MTR: variants seen among roughly 807,000 people sequenced by gnomAD.
The protein encoded by MTR is methionine synthase.
Under a neutral mutation model 154.8 loss-of-function variants are expected in MTR, and 84 were observed. The ratio of observed to expected loss-of-function variants is 0.54; its 90% CI spans 0.45 to 0.65. The LOEUF (loss-of-function observed/expected upper bound fraction) is 0.65, where lower values mean the gene tolerates loss of function less well. MTR is among the 30% of genes least tolerant of loss of function. The pLI, the probability that MTR is intolerant of heterozygous loss-of-function variation, is 0.00. For missense variants in MTR, 1,275 were observed against 1,570.2 expected (o/e 0.81, Z 3.18); for synonymous variants, 554 against 553.9 (o/e 1.00, Z 0.00).
At chr1:236,862,392 A>G (rs1172442670) in intron 21 of MTR, 49 bp downstream of exon 21, 1 of 1,489,178 alleles carries the variant, frequency 6.7e-7, no homozygotes, top group African/African-American at 1.4e-5. Context: ...TTGACCTGGA[A>G]GACTTGAGGT....
At position 236,897,029 on chromosome 1, in the gene MTR, G is replaced by A. The variant is rs1357538863; in HGVS notation, c.3622G>A (p.Ala1208Thr). 1 of 1,614,006 alleles carries A rather than the reference G, an allele frequency of 6.2e-7. No individual in the cohort carries two copies. Residue 1208 changes from alanine to threonine, a missense_variant, in exon 32 of 33, where the codon GCA becomes ACA. Transcript: ENST00000366577. ...STGIRLTESL[A>T]MAPASAVSGL... Reference sequence around the variant, plus strand: ...AGGCATTAGGTTAACAGAATCATTAGCAATGGCACCTGCTTCAGCAGTCTC... The same window carrying A: ...AGGCATTAGGTTAACAGAATCATTAACAATGGCACCTGCTTCAGCAGTCTC...
chr1:236,880,762 A>C lies in MTR; in HGVS notation c.2602A>C (p.Thr868Pro). The C allele has an allele frequency of 6.2e-7, 1 of 1,614,060 alleles. No homozygotes were observed. The highest frequency in any genetic ancestry group is 8.5e-7 in the Non-Finnish European group (1 of 1,179,954). Reference protein sequence around the residue: ...IGGATTSKTHTAVKIAPRYSA... With the variant: ...IGGATTSKTHPAVKIAPRYSA... Reference sequence around the variant, plus strand: ...TCTGACCCTTCTTTTTAGAACCCACACAGCAGTTAAAATAGCTCCGAGATA... The same window carrying C: ...TCTGACCCTTCTTTTTAGAACCCACCCAGCAGTTAAAATAGCTCCGAGATA... The change falls in exon 25 of 33, where the codon ACA becomes CCA. Residue 868 changes from threonine to proline, a missense_variant. Physicochemically the swap from Thr to Pro is conservative, Grantham distance 38. Coordinates refer to ENST00000366577, the MANE Select transcript of MTR (RefSeq NM_000254.3).
intron 20 of MTR, among the ~76,000 whole-genome samples, 195 bp from the exon 21 acceptor site, chr1:236,862,041 C>A (rs1314865447): frequency 6.6e-6 from 1 of 152,234 alleles, no homozygotes; most frequent in African/African-American, 2.4e-5. Context: ...TGTTTTCCTT[C>A]TGCTGTACCT....
intron 18 of MTR, 58 bp downstream of exon 18, chr1:236,853,146 C>CTGTAGGTGAGTA: frequency 6.4e-7 from 1 of 1,561,802 alleles, no homozygotes; most frequent in Non-Finnish European, 8.8e-7. Flanking sequence ...GTATTACTCA[C>CTGTAGGTGAGTA]CTACAGTTAG....
In MTR at chr1:236,810,669, A is replaced by C. The variant is rs1661245533; in HGVS notation, c.502+74A>C. ...AGCTTCAGTAAGCTATAAATCTGTA[A>C]AATGGAATCAATAACAGGATCTACC... is the stretch of plus-strand genomic sequence containing the variant. On this transcript the variant is annotated intron_variant, in intron 5 of 32. Coordinates refer to ENST00000366577, the MANE Select transcript of MTR (RefSeq NM_000254.3). 4 of 1,240,598 alleles carry C rather than the reference A, an allele frequency of 3.2e-6. No individual in the cohort carries two copies. The Admixed American group carries it at 5.1e-5, about 16-fold the overall frequency. The allele number at this position is 1,240,598 out of a possible 1,614,324, so 76.8% of individuals were successfully genotyped here.
At position 236,861,169 on chromosome 1, in the gene MTR, A is replaced by C. The variant is rs1212588170; in HGVS notation, c.2088A>C (p.Leu696Phe). The C allele has an allele frequency of 6.2e-7, 1 of 1,603,278 alleles. No individual in the cohort carries two copies. The highest frequency in any genetic ancestry group is 1.1e-5 in the South Asian group (1 of 90,476). ...HIIEDTEEAR[L>F]NQKKYPRPLN... ...TTGAGGATACTGAGGAAGCCAGGTTAAACCAAAAAAAATATCCCCGACCTC... is the reference window on the plus strand; with the variant it reads ...TTGAGGATACTGAGGAAGCCAGGTTCAACCAAAAAAAATATCCCCGACCTC... Residue 696 changes from leucine to phenylalanine, a missense_variant, in exon 20 of 33, where the codon TTA becomes TTC. Leu to Phe is a conservative substitution (Grantham distance 22). Transcript: ENST00000366577.
intron 15 of MTR, among the ~76,000 whole-genome samples, chr1:236,839,961 TTGTC>T (rs1254488665): frequency 6.6e-5 from 10 of 152,282 alleles, no homozygotes; most frequent in Admixed American, 4.6e-4. Context: ...TTACATATGT[TTGTC>T]TGCATAAGCA....
intron 32 of MTR, 71 bp downstream of exon 32, chr1:236,897,189 A>G (rs1239900259): frequency 2.6e-6 from 3 of 1,162,240 alleles, no homozygotes; most frequent in South Asian, 2.4e-5. Context: ...CTCATTTTAA[A>G]TGTGAATGAG....
intron 8 of MTR, among the ~76,000 whole-genome samples, chr1:236,823,665 C>T (rs1662106125): frequency 6.6e-6 from 1 of 152,066 alleles, no homozygotes; most frequent in African/African-American, 2.4e-5. Flanking sequence ...AGGGACTCTG[C>T]CTGTGGGGTA....
At chr1:236,859,797 A>G (rs1664413301) in intron 18 of MTR, 36 bp from the exon 19 acceptor site, 3 of 1,506,398 alleles carry the variant, frequency 2.0e-6, no homozygotes, top group Middle Eastern at 3.4e-4. Flanking sequence ...GTTAGTGATG[A>G]GTTGTATCCA....
At chr1:236,806,857 T>C (rs1273869204) in intron 3 of MTR, among the ~76,000 whole-genome samples, 1 of 152,216 alleles carries the variant, frequency 6.6e-6, no homozygotes, top group Non-Finnish European at 1.5e-5. Flanking sequence ...CTTTTGTGAC[T>C]AGTTTGTTTC....
At chr1:236,823,794 A>ATT (rs1324332853) in intron 8 of MTR, among the ~76,000 whole-genome samples, 2 of 23,378 alleles carry the variant, frequency 8.6e-5, no homozygotes, top group Admixed American at 5.0e-4. Context: ...TTCAGGTCAG[A>ATT]TCTTTTTTTT....
chr1:236,829,274 T>G lies in MTR; in HGVS notation c.1075+6T>G, dbSNP rs567527137. 6.2e-7 allele frequency: 1 copy of G among 1,609,962 alleles called. No individual in the cohort carries two copies. ...AGGACATATGTTACTGTCTGGTGAG[T>G]CATAAAGACCTGGTATTCCTGATTG... On this transcript the variant is annotated splice_donor_region_variant and intron_variant, in intron 12 of 32. Coordinates refer to ENST00000366577, the MANE Select transcript of MTR (RefSeq NM_000254.3).
chr1:236,851,109 C>G (rs1387646431), intron 16 of MTR, among the ~76,000 whole-genome samples: 3 of 152,140 alleles, frequency 2.0e-5, no homozygotes, highest in Non-Finnish European at 2.9e-5. Flanking sequence ...CATGTACTTA[C>G]TGAAATTTAT....
intron 15 of MTR, among the ~76,000 whole-genome samples, chr1:236,841,981 C>G (rs1020942291): frequency 3.3e-5 from 5 of 152,048 alleles, no homozygotes; most frequent in South Asian, 4.2e-4. Context: ...GGCTCCGCCC[C>G]CCGGGGTTCA....
At chr1:236,826,991 T>C (rs1662326233) in intron 11 of MTR, 95 bp downstream of exon 11, 1 of 1,163,478 alleles carries the variant, frequency 8.6e-7, no homozygotes, top group Non-Finnish European at 1.3e-6. Flanking sequence ...AATTGTGTCC[T>C]TCCAAAATTT....
intron 29 of MTR, among the ~76,000 whole-genome samples, chr1:236,893,787 G>A (rs1666466229): frequency 6.6e-6 from 1 of 152,116 alleles, no homozygotes; most frequent in African/African-American, 2.4e-5. Context: ...TGAATTCTTG[G>A]TTTGGTGCCC....
chr1:236,830,425 A>C (rs975483448), intron 12 of MTR, among the ~76,000 whole-genome samples: 1 of 152,230 alleles, frequency 6.6e-6, no homozygotes, highest in Non-Finnish European at 1.5e-5. Context: ...AAAAAAAATA[A>C]TTTATATGTA....
intron 19 of MTR, 138 bp from the exon 20 acceptor site, chr1:236,860,987 T>A: frequency 1.4e-6 from 1 of 692,752 alleles, no homozygotes; most frequent in Non-Finnish European, 2.4e-6. Flanking sequence ...GGAAGCCAGA[T>A]TGAGTCCATG....
Sources: gnomAD v4.1 joint callset for allele counts (sites outside exome capture counted in the v4.1 genomes callset) on GRCh38, gnomAD v4.1.1 for gene constraint, MANE v1.5 for transcripts, NCBI Gene and HGNC (gene_info 2026-07-23, HGNC 2026-07-21) for gene names.